Variants in FTO observed in about 807,000 individuals in gnomAD.
FTO encodes the protein alpha-ketoglutarate-dependent dioxygenase FTO.
In FTO, 47 loss-of-function variants were observed where a neutral mutation model predicts 63.9. The ratio of observed to expected loss-of-function variants is 0.74; its 90% CI spans 0.58 to 0.94. The LOEUF is 0.94. FTO is among the 40% of genes least tolerant of loss of function. The probability of loss-of-function intolerance (pLI) is 0.00; values close to 1 mark genes in which losing one functional copy is unlikely to be tolerated. For missense variants in FTO, 562 were observed against 618.1 expected, an observed-to-expected ratio of 0.91 and a Z score of 0.96; for synonymous variants, 207 against 224.4, an observed-to-expected ratio of 0.92 and a Z score of 0.69.
intron 7 of FTO, among the ~76,000 whole-genome samples, chr16:53,933,714 T>C (rs982112658): frequency 6.6e-6 from 1 of 152,172 alleles, no homozygotes; most frequent in Non-Finnish European, 1.5e-5. Context: ...AAAAAATCGT[T>C]GGTGTGCTGA....
intron 8 of FTO, among the ~76,000 whole-genome samples, chr16:54,065,268 T>C (rs1477494759): frequency 6.6e-6 from 1 of 151,966 alleles, no homozygotes; most frequent in African/African-American, 2.4e-5. Flanking sequence ...AGCCTTCTTC[T>C]GCCTCCGCCT....
At position 53,826,480 on chromosome 16, in the gene FTO, A is replaced by C; in HGVS notation, c.740A>C (p.Tyr247Ser). 3 of 1,614,134 alleles carry C rather than the reference A, an allele frequency of 1.9e-6. No homozygotes were observed. Among genetic ancestry groups the C allele is most frequent in the Non-Finnish European group, 2.5e-6 (3 of 1,180,024 alleles). ...AGGTCAGCGGTGGCAGTGTACAGTTATAGCTGTGAAGGTACAGTCTGCTCT... is the reference window on the plus strand; with the variant it reads ...AGGTCAGCGGTGGCAGTGTACAGTTCTAGCTGTGAAGGTACAGTCTGCTCT... ...VDRSAVAVYS[Y>S]SCEGPEEESE... The change falls in exon 3 of 9, where the codon TAT becomes TCT. Residue 247 changes from tyrosine to serine, a missense_variant. Transcript: ENST00000471389.
intron 8 of FTO, among the ~76,000 whole-genome samples, chr16:54,056,614 A>G (rs573190938): frequency 6.6e-6 from 1 of 152,256 alleles, no homozygotes; most frequent in South Asian, 2.1e-4. Flanking sequence ...ATTGTGAGCA[A>G]CCCTATGGAG....
intron 1 of FTO, among the ~76,000 whole-genome samples, chr16:53,732,479 A>G (rs1024334334): frequency 1.3e-5 from 2 of 152,308 alleles, no homozygotes; most frequent in East Asian, 3.9e-4. Flanking sequence ...GGTTAAGGAA[A>G]TGTGGTATCA....
At chr16:53,813,806 C>T (rs1031308856) in intron 2 of FTO, among the ~76,000 whole-genome samples, 2 of 152,114 alleles carry the variant, frequency 1.3e-5, no homozygotes, top group Non-Finnish European at 2.9e-5. Flanking sequence ...CCCACAACAG[C>T]CTCATTCATT....
chr16:54,026,535 T>G (rs71390285), intron 8 of FTO, among the ~76,000 whole-genome samples: 1 of 152,180 alleles, frequency 6.6e-6, no homozygotes, highest in Non-Finnish European at 1.5e-5. Flanking sequence ...CTGGGTACAT[T>G]GCTGCTCTCA....
At chr16:54,107,967 T>C (rs924030144) in intron 8 of FTO, among the ~76,000 whole-genome samples, 2 of 152,172 alleles carry the variant, frequency 1.3e-5, no homozygotes, top group African/African-American at 4.8e-5. Flanking sequence ...CCACTCCCTG[T>C]GGCTAGGACA....
chr16:53,773,828 A>G (rs1471116546), intron 1 of FTO, among the ~76,000 whole-genome samples: 1 of 152,184 alleles, frequency 6.6e-6, no homozygotes, highest in Non-Finnish European at 1.5e-5. Flanking sequence ...TTTCCAACTC[A>G]TAGAATGACA....
intron 8 of FTO, among the ~76,000 whole-genome samples, chr16:53,964,139 C>T (rs1196123435): frequency 6.6e-6 from 1 of 152,172 alleles, no homozygotes; most frequent in Non-Finnish European, 1.5e-5. Context: ...TATGGTCCTT[C>T]CCATGTGAAT....
In FTO at chr16:53,856,288, C is replaced by G. The variant is rs185389614; in HGVS notation, c.895+11990C>G. On this transcript the variant is annotated intron_variant, in intron 4 of 8. Coordinates refer to ENST00000471389, the MANE Select transcript of FTO (RefSeq NM_001080432.3). ...TCTAGTCAGTCCCAGCAGCACGTTT[C>G]AAGGTCAGACTATATACCTCATGCT... 2.3e-3 allele frequency among the ~76,000 whole-genome samples: 355 copies of G among 151,622 alleles called. 1 individual carries two copies. Among genetic ancestry groups the G allele is most frequent in the African/African-American group, 7.9e-3 (327 of 41,360 alleles).
rs1479370496 is a variant in FTO at position 54,120,050 on chromosome 16, G to C, written c.*8135G>C. On this transcript the variant is annotated 3_prime_UTR_variant, in exon 9 of 9. Transcript: ENST00000471389. ...TAAGTGAGCTGTGCGTGCAGAATGG[G>C]AGAGGCATCCCTGCCAAGGACTTCA... The C allele has an allele frequency of 6.6e-6, 1 of 152,232 alleles. No individual in the cohort carries two copies. The highest frequency in any genetic ancestry group is 1.5e-5 in the Non-Finnish European group (1 of 68,048). 9.4% of individuals were successfully genotyped at this position (152,232 alleles called of 1,614,324 possible).
chr16:53,745,788 A>G (rs550161378), intron 1 of FTO, among the ~76,000 whole-genome samples: 1 of 152,244 alleles, frequency 6.6e-6, no homozygotes, highest in South Asian at 2.1e-4. Context: ...CTAAGATTTG[A>G]CTAATCTTGA....
chr16:54,030,893 C>G (rs1001059976), intron 8 of FTO, among the ~76,000 whole-genome samples: 1 of 152,132 alleles, frequency 6.6e-6, no homozygotes, highest in African/African-American at 2.4e-5. Flanking sequence ...GTTCTTGAAT[C>G]CTTCTAATAG....
At chr16:53,795,015 T>A (rs2078024485) in intron 1 of FTO, among the ~76,000 whole-genome samples, 1 of 152,112 alleles carries the variant, frequency 6.6e-6, no homozygotes, top group Non-Finnish European at 1.5e-5. Flanking sequence ...ATTAAAAGAA[T>A]CATGTTCAGA....
At chr16:53,954,721 C>T (rs2082884014) in intron 8 of FTO, among the ~76,000 whole-genome samples, 1 of 152,024 alleles carries the variant, frequency 6.6e-6, no homozygotes, top group Non-Finnish European at 1.5e-5. Flanking sequence ...CCCTCTTTAG[C>T]TTTCACAGTA....
intron 5 of FTO, among the ~76,000 whole-genome samples, chr16:53,878,597 A>C (rs1422533362): frequency 2.6e-5 from 4 of 152,208 alleles, no homozygotes; most frequent in African/African-American, 7.2e-5. Flanking sequence ...GCTCAGTTTA[A>C]ATTATAAATA....
At chr16:53,889,075 G>T in intron 7 of FTO, 124 bp downstream of exon 7, 1 of 1,178,484 alleles carries the variant, frequency 8.5e-7, no homozygotes, top group Non-Finnish European at 1.3e-6. Context: ...GATTCTTCTT[G>T]GTAAGGTGAT....
At chr16:53,772,770 A>C (rs1005721819) in intron 1 of FTO, among the ~76,000 whole-genome samples, 3 of 152,144 alleles carry the variant, frequency 2.0e-5, no homozygotes, top group Non-Finnish European at 4.4e-5. Flanking sequence ...TGGGAAAAGT[A>C]ATTTTGATTC....
intron 8 of FTO, among the ~76,000 whole-genome samples, chr16:53,948,288 G>A (rs2082695743): frequency 2.0e-5 from 3 of 152,236 alleles, no homozygotes; most frequent in South Asian, 2.1e-4. Flanking sequence ...ATTCGTCTGA[G>A]CTTTTGATGA....
Sources: gnomAD v4.1 joint callset for allele counts (sites outside exome capture counted in the v4.1 genomes callset) on GRCh38, gnomAD v4.1.1 for gene constraint, MANE v1.5 for transcripts, NCBI Gene and HGNC (gene_info 2026-07-23, HGNC 2026-07-21) for gene names.